The following CHRDL1 variants were observed in gnomAD, a reference collection of about 807,000 sequenced individuals.
The protein encoded by CHRDL1 is chordin-like protein 1.
CHRDL1 carries 19 observed loss-of-function variants against 40.9 expected under a neutral mutation model. The ratio of observed to expected loss-of-function variants is 0.46; its 90% CI spans 0.32 to 0.68. The LOEUF (loss-of-function observed/expected upper bound fraction) is 0.68. Among genes scored for constraint, CHRDL1 ranks in the 30% least tolerant of loss-of-function variants. The pLI is 0.03. For missense variants in CHRDL1, 329 were observed against 352.1 expected (o/e 0.93, Z 0.53); for synonymous variants, 136 against 123.4 (o/e 1.10, Z -0.68).
Position 110,688,645 on chromosome X carries a change from G to T in CHRDL1, c.937C>A (p.Gln313Lys), listed in dbSNP as rs2070076318. ...TTGCAGCATTTTCCGTCTATTTTTT[G>T]AGGATACTTGCAGGGGTATCGATTG... The part of the protein sequence containing the change: ...CPNRYPCKYP[Q>K]KIDGKCCKVC... The change falls in exon 9 of 12, where the codon CAA (glutamine) becomes AAA (lysine). Residue 313 changes from glutamine (Q) to lysine (K), a missense_variant. Transcript: ENST00000372042. 5 of 1,210,139 alleles carry T rather than the reference G, an allele frequency of 4.1e-6. No homozygotes were observed. The highest frequency in any genetic ancestry group is 5.6e-6 in the Non-Finnish European group (5 of 894,784).
intron 6 of CHRDL1, among the ~76,000 whole-genome samples, chrX:110,716,850 A>T (rs1037483485): frequency 1.8e-5 from 2 of 111,485 alleles, no homozygotes; most frequent in Admixed American, 1.9e-4. Flanking sequence ...CAACCTGTAC[A>T]TGTGCAGTTG....
At chrX:110,679,936 C>G (rs1737993700) in intron 10 of CHRDL1, among the ~76,000 whole-genome samples, 2 of 111,962 alleles carry the variant, frequency 1.8e-5, no homozygotes, top group Admixed American at 1.9e-4. Flanking sequence ...GGGAAATATT[C>G]ACAGATCCTT....
At chrX:110,710,651 G>A (rs745971276) in intron 6 of CHRDL1, among the ~76,000 whole-genome samples, 3 of 111,762 alleles carry the variant, frequency 2.7e-5, no homozygotes, top group Non-Finnish European at 5.6e-5. Context: ...TTAGAGGGAC[G>A]GGGTCCTGGG....
intron 4 of CHRDL1, among the ~76,000 whole-genome samples, chrX:110,749,332 C>T (rs1417315970): frequency 3.6e-5 from 4 of 111,525 alleles, no homozygotes; most frequent in South Asian, 3.8e-4. Context: ...CCAAGTTTGA[C>T]GTATTTCTCT....
rs773445122 is a variant in CHRDL1 at position 110,767,393 on chromosome X, G to A, written c.95-4586C>T. 2.7e-5 allele frequency among the ~76,000 whole-genome samples: 3 copies of A among 110,582 alleles called. No individual in the cohort carries two copies. In the East Asian group the frequency reaches 8.5e-4, roughly 31 times the overall value. On this transcript the variant is annotated intron_variant, in intron 2 of 11. Coordinates refer to ENST00000372042, the MANE Select transcript of CHRDL1 (RefSeq NM_001143981.2). Reference sequence around the variant, plus strand: ...GGCCATCCAGATCAGTAAAGAGGAAGTCAAACTGTCCCAGTTTGCTGACAA... The same window carrying A: ...GGCCATCCAGATCAGTAAAGAGGAAATCAAACTGTCCCAGTTTGCTGACAA...
At chrX:110,765,561 C>T (rs1411509948) in intron 2 of CHRDL1, among the ~76,000 whole-genome samples, 4 of 111,751 alleles carry the variant, frequency 3.6e-5, no homozygotes, top group Non-Finnish European at 7.5e-5. Context: ...AAAAGGACCC[C>T]CACATTTATG....
At position 110,688,661 on chromosome X, in the gene CHRDL1, G is replaced by A; in HGVS notation, c.921C>T (p.Tyr307=). ...ECKKIHCPNR[Y]PCKYPQKIDG... Reference sequence around the variant, plus strand: ...CTATTTTTTGAGGATACTTGCAGGGGTATCGATTGGGGCAGTGGATTTTCT... The same window carrying A: ...CTATTTTTTGAGGATACTTGCAGGGATATCGATTGGGGCAGTGGATTTTCT... The change falls in exon 9 of 12, where the codon TAC becomes TAT. Residue 307 remains tyrosine (Y), a synonymous_variant. Coordinates refer to ENST00000372042, the MANE Select transcript of CHRDL1 (RefSeq NM_001143981.2). 1 of 1,209,443 alleles carries A rather than the reference G, an allele frequency of 8.3e-7. No individual in the cohort carries two copies. The highest frequency in any genetic ancestry group is 1.1e-6 in the Non-Finnish European group (1 of 894,238).
intron 3 of CHRDL1, among the ~76,000 whole-genome samples, chrX:110,760,588 C>T (rs1421519618): frequency 1.8e-5 from 2 of 111,618 alleles, no homozygotes; most frequent in Non-Finnish European, 1.9e-5. Flanking sequence ...TTGCAGACAT[C>T]AAAGCCTCAG....
intron 6 of CHRDL1, among the ~76,000 whole-genome samples, chrX:110,714,882 G>A (rs188921950): frequency 2.0e-3 from 223 of 111,673 alleles, no homozygotes; most frequent in Non-Finnish European, 3.3e-3. Context: ...TGAGTAATAC[G>A]CTTATATAAG....
chrX:110,688,190 G>C (rs1389128164), intron 9 of CHRDL1, among the ~76,000 whole-genome samples: 1 of 111,222 alleles, frequency 9.0e-6, no homozygotes, highest in Non-Finnish European at 1.9e-5. Context: ...ATCAGAACCT[G>C]GTCTCCTTCC....
chrX:110,776,488 T>C (rs2089855370), intron 2 of CHRDL1, among the ~76,000 whole-genome samples: 1 of 111,634 alleles, frequency 9.0e-6, no homozygotes, highest in African/African-American at 3.2e-5. Flanking sequence ...TTTTGAAAAA[T>C]AAATTCTCTA....
At chrX:110,707,020 G>T (rs1053702283) in intron 6 of CHRDL1, among the ~76,000 whole-genome samples, 8 of 111,646 alleles carry the variant, frequency 7.2e-5, no homozygotes, top group African/African-American at 2.6e-4. Context: ...CATGAGCTGG[G>T]TTCCATGGGG....
At position 110,736,740 on chromosome X, in the gene CHRDL1, C is replaced by T. The variant is rs151222158; in HGVS notation, c.302-15210G>A. On this transcript the variant is annotated intron_variant, in intron 4 of 11. Transcript: ENST00000372042. ...ACAATATATGCAAACAATTTAGAGG[C>T]AAAAAGAGTCTGAGGATCCCAGTTC... 3.1e-3 allele frequency among the ~76,000 whole-genome samples: 349 copies of T among 111,200 alleles called. 2 individuals are homozygous for T. The highest frequency in any genetic ancestry group is 0.014 in the Middle Eastern group (3 of 216).
chrX:110,763,482 T>C (rs1288763529), intron 2 of CHRDL1, among the ~76,000 whole-genome samples: 1 of 108,603 alleles, frequency 9.2e-6, no homozygotes, highest in Non-Finnish European at 1.9e-5. Flanking sequence ...TGAGTAGTAT[T>C]CATATATATA....
chrX:110,731,990 T>C (rs2071171200), intron 4 of CHRDL1, among the ~76,000 whole-genome samples: 1 of 101,036 alleles, frequency 9.9e-6, no homozygotes, highest in African/African-American at 4.1e-5. Flanking sequence ...TATACCTCAA[T>C]AAAGCGTTAC....
chrX:110,719,654 CT>C (rs774513386), intron 6 of CHRDL1, among the ~76,000 whole-genome samples, 180 bp downstream of exon 6: 84 of 106,947 alleles, frequency 7.9e-4, no homozygotes, highest in Admixed American at 3.2e-3. Flanking sequence ...TTTTTAAAGG[CT>C]GTGGCCTTTA....
chrX:110,793,912 G>A (rs2090141800), intron 1 of CHRDL1, among the ~76,000 whole-genome samples: 1 of 112,100 alleles, frequency 8.9e-6, no homozygotes, highest in African/African-American at 3.2e-5. Flanking sequence ...CTAATATTAT[G>A]AGCAAATAAA....
intron 9 of CHRDL1, among the ~76,000 whole-genome samples, chrX:110,687,939 G>A (rs1234687224): frequency 8.9e-6 from 1 of 111,875 alleles, no homozygotes; most frequent in Non-Finnish European, 1.9e-5. Context: ...GGCTGGAAGT[G>A]ACTTGGGTTA....
At chrX:110,770,896 C>A in intron 2 of CHRDL1, among the ~76,000 whole-genome samples, 1 of 111,690 alleles carries the variant, frequency 9.0e-6, no homozygotes, top group Non-Finnish European at 1.9e-5. Flanking sequence ...CCTGTACTCC[C>A]AGCACTTTGG....
Sources: gnomAD v4.1 joint callset for allele counts (sites outside exome capture counted in the v4.1 genomes callset) on GRCh38, gnomAD v4.1.1 for gene constraint, MANE v1.5 for transcripts, NCBI Gene and HGNC (gene_info 2026-07-23, HGNC 2026-07-21) for gene names.